Variants in CACFD1 observed in about 807,000 individuals in gnomAD.
CACFD1 encodes calcium channel flower homolog.
Under a neutral mutation model 21.3 loss-of-function variants are expected in CACFD1, and 26 were observed. The observed-to-expected ratio is 1.22, with a 90% CI of 0.89 to 1.69. CACFD1 has a LOEUF of 1.69. Among genes scored for constraint, CACFD1 ranks in the 40% most tolerant of loss-of-function variants. The pLI is 0.00. For missense variants in CACFD1, 265 were observed against 236.2 expected, an observed-to-expected ratio of 1.12 and a Z score of -0.80; for synonymous variants, 121 against 106.6, an observed-to-expected ratio of 1.13 and a Z score of -0.83.
In CACFD1 at chr9:133,460,169, G is replaced by C. The variant is rs1554797986; in HGVS notation, c.103G>C (p.Gly35Arg). ...WWYRWLCRLS[G>R]VLGAVSCAIS... ...GTACCGCTGGCTGTGTCGCCTGTCT[G>C]GGGTGCTGGGGGCAGTCTGTGAGTA... The change falls in exon 1 of 5, where the codon GGG (glycine) becomes CGG (arginine). Residue 35 changes from glycine (G) to arginine (R), a missense_variant. Gly to Arg is a moderately radical substitution (Grantham distance 125, BLOSUM62 -2). Transcript: ENST00000316948. 1.9e-6 allele frequency: 3 copies of C among 1,555,452 alleles called. No individual in the cohort carries two copies. The highest frequency in any genetic ancestry group is 1.7e-6 in the Non-Finnish European group (2 of 1,150,092).
chr9:133,468,078 C>A (rs1406614113), intron 4 of CACFD1, 50 bp downstream of exon 4: 1 of 1,474,050 alleles, frequency 6.8e-7, no homozygotes, highest in Non-Finnish European at 9.4e-7. Flanking sequence ...CCCTCCGCCC[C>A]CCGAAGTCCT....
chr9:133,460,099 C>G lies in CACFD1; in HGVS notation c.33C>G (p.Ser11=). Residue 11 remains serine, a synonymous_variant, in exon 1 of 5, where the codon TCC becomes TCG. Transcript: ENST00000316948. ...GCTCAGGTGGGGCGCCCGGGGCGTC[C>G]GCCAGCTCTGCGCCGCCCGCGCAGG... MSSSGGAPGA[S]ASSAPPAQEE... 3.8e-6 allele frequency: 6 copies of G among 1,563,302 alleles called. No individual in the cohort carries two copies. Among genetic ancestry groups the G allele is most frequent in the Non-Finnish European group, 4.3e-6 (5 of 1,153,654 alleles).
chr9:133,464,512 G>A (rs782583755), intron 2 of CACFD1, among the ~76,000 whole-genome samples: 2 of 152,088 alleles, frequency 1.3e-5, no homozygotes, highest in African/African-American at 2.4e-5. Flanking sequence ...GAGAGTGCCT[G>A]CCCCGGGCTT....
At chr9:133,466,834 T>C (rs1843456617) in intron 3 of CACFD1, among the ~76,000 whole-genome samples, 1 of 152,172 alleles carries the variant, frequency 6.6e-6, no homozygotes, top group Admixed American at 6.5e-5. Context: ...CATTGCATTT[T>C]CTGATATGAA....
intron 1 of CACFD1, chr9:133,462,279 G>T: frequency 7.7e-7 from 1 of 1,304,062 alleles, no homozygotes; most frequent in South Asian, 1.2e-5. Flanking sequence ...ACTCTGCTAG[G>T]ACAGGCAGGC....
chr9:133,468,694 C>G lies in CACFD1; in HGVS notation c.*41C>G. The G allele has an allele frequency of 6.5e-7, 1 of 1,533,498 alleles. No homozygotes were observed. The highest frequency in any genetic ancestry group is 1.4e-5 in the African/African-American group (1 of 73,546). 95.0% of individuals were successfully genotyped at this position (1,533,498 alleles called of 1,614,324 possible). The stretch of plus-strand genomic sequence containing the variant: ...TCCCTCCCTGTCCCCTCTTCTGGCT[C>G]TGTGTGGGTCCAAGTGAGGCCTGGA... On this transcript the variant is annotated 3_prime_UTR_variant, in exon 5 of 5. Transcript: ENST00000316948.
rs781807306 is a variant in CACFD1, at chr9:133,468,611, G to C, written c.477G>C (p.Ala159=). Reference sequence around the variant, plus strand: ...GGATCCAGCAGCAGAGGCAGCAGGCGGATGAGGAGAAGCTCGCGGAGACCC... The same window carrying C: ...GGATCCAGCAGCAGAGGCAGCAGGCCGATGAGGAGAAGCTCGCGGAGACCC... The part of the protein sequence containing the change: ...YARIQQQRQQ[A]DEEKLAETLE... The change falls in exon 5 of 5, where the codon GCG becomes GCC. Residue 159 remains alanine (A), a synonymous_variant. Coordinates refer to ENST00000316948, the MANE Select transcript of CACFD1 (RefSeq NM_017586.5). The C allele has an allele frequency of 6.3e-7, 1 of 1,592,098 alleles. No individual in the cohort carries two copies. The highest frequency in any genetic ancestry group is 8.5e-7 in the Non-Finnish European group (1 of 1,171,570).
In CACFD1 at chr9:133,469,054, C is replaced by T; in HGVS notation, c.*401C>T. 1 of 245,362 alleles carries T rather than the reference C, an allele frequency of 4.1e-6. No homozygotes were observed. The highest frequency in any genetic ancestry group is 7.8e-6 in the Non-Finnish European group (1 of 127,942). The allele number at this position is 245,362 out of a possible 1,614,324, so 15.2% of individuals were successfully genotyped here. On this transcript the variant is annotated 3_prime_UTR_variant, in exon 5 of 5. Transcript: ENST00000316948. ...ACCTGGGCACTGAGCAGAGGGACCT[C>T]CCCCAGCTCTCTTAGCAGGTGGAGC...
At chr9:133,463,583 G>C in intron 2 of CACFD1, 28 bp downstream of exon 2, 3 of 1,611,808 alleles carry the variant, frequency 1.9e-6, no homozygotes, top group Non-Finnish European at 2.5e-6. Flanking sequence ...GTCCCACCCC[G>C]GGGGTCTTGC....
In CACFD1 at chr9:133,463,498, G is replaced by A. The variant is rs1554798910; in HGVS notation, c.137G>A (p.Gly46Asp). 16 of 1,613,980 alleles carry A rather than the reference G, an allele frequency of 9.9e-6. No individual in the cohort carries two copies. The Admixed American group carries it at 2.7e-4, about 27-fold the overall frequency. ...TTGTTTCAAGCTTGCGCGATCTCTG[G>A]CCTCTTCAACTGCATCACCATCCAC... is the stretch of plus-strand genomic sequence containing the variant. ...VLGAVSCAIS[G>D]LFNCITIHPL... is the part of the protein sequence containing the mutation. Residue 46 changes from glycine (G) to aspartate (D), a missense_variant, in exon 2 of 5, where the codon GGC becomes GAC. Gly to Asp is a moderately conservative substitution (Grantham distance 94, BLOSUM62 -1). Coordinates refer to ENST00000316948, the MANE Select transcript of CACFD1 (RefSeq NM_017586.5).
chr9:133,468,146 C>T (rs893929398), intron 4 of CACFD1, 118 bp downstream of exon 4: 2 of 1,019,948 alleles, frequency 2.0e-6, no homozygotes, highest in Non-Finnish European at 2.9e-6. Flanking sequence ...AGGCAGAGGT[C>T]CCAGTAACTC....
chr9:133,460,482 G>GC (rs1554798206), intron 1 of CACFD1, among the ~76,000 whole-genome samples: 4 of 150,572 alleles, frequency 2.7e-5, no homozygotes, highest in South Asian at 2.1e-4. Context: ...GGCGGGGGCG[G>GC]GGGTGGGGCA....
Position 133,460,198 on chromosome 9 carries a change from A to T in CACFD1, c.121+11A>T. On this transcript the variant is annotated intron_variant, in intron 1 of 4. Transcript: ENST00000316948. ...TGCTGGGGGCAGTCTGTGAGTATCC[A>T]GTCGGGGAGAGGGGCCGGCCCCGCC... 6.6e-7 allele frequency: 1 copy of T among 1,525,054 alleles called. No individual in the cohort carries two copies. The highest frequency in any genetic ancestry group is 2.6e-5 in the East Asian group (1 of 37,758). The allele number at this position is 1,525,054 out of a possible 1,614,324, so 94.5% of individuals were successfully genotyped here.
At chr9:133,468,528 G>T (rs1554800083) in intron 4 of CACFD1, 35 bp from the exon 5 acceptor site, 1 of 1,555,768 alleles carries the variant, frequency 6.4e-7, no homozygotes, top group East Asian at 2.4e-5. Flanking sequence ...CATGGGGCTG[G>T]TGCTCCACGT....
At chr9:133,463,580 C>T in intron 2 of CACFD1, 25 bp downstream of exon 2, 1 of 1,612,546 alleles carries the variant, frequency 6.2e-7, no homozygotes, top group Non-Finnish European at 8.5e-7. Context: ...GCCGTCCCAC[C>T]CCGGGGGTCT....
In CACFD1 at chr9:133,463,507, A is replaced by G. The variant is rs374062910; in HGVS notation, c.146A>G (p.Asn49Ser). The stretch of plus-strand genomic sequence containing the variant: ...GCTTGCGCGATCTCTGGCCTCTTCA[A>G]CTGCATCACCATCCACCCTCTGAAC... ...AVSCAISGLFNCITIHPLNIA... is the reference protein window; with the variant it reads ...AVSCAISGLFSCITIHPLNIA... Residue 49 changes from asparagine to serine, a missense_variant, in exon 2 of 5, where the codon AAC becomes AGC. Asn to Ser is a conservative substitution (Grantham distance 46). Transcript: ENST00000316948. 62 of 1,614,016 alleles carry G rather than the reference A, an allele frequency of 3.8e-5. No homozygotes were observed. Among genetic ancestry groups the G allele is most frequent in the Non-Finnish European group, 4.7e-5 (56 of 1,180,028 alleles).
At position 133,460,189 on chromosome 9, in the gene CACFD1, T is replaced by A; in HGVS notation, c.121+2T>A. On this transcript the variant is annotated splice_donor_variant, in intron 1 of 4. Coordinates refer to ENST00000316948, the MANE Select transcript of CACFD1 (RefSeq NM_017586.5). LOFTEE classifies it high-confidence loss of function. Reference sequence around the variant, plus strand: ...TGTCTGGGGTGCTGGGGGCAGTCTGTGAGTATCCAGTCGGGGAGAGGGGCC... The same window carrying A: ...TGTCTGGGGTGCTGGGGGCAGTCTGAGAGTATCCAGTCGGGGAGAGGGGCC... 6.5e-7 allele frequency: 1 copy of A among 1,541,106 alleles called. No homozygotes were observed.
At chr9:133,466,486 T>C (rs1415002002) in intron 3 of CACFD1, among the ~76,000 whole-genome samples, 2 of 152,230 alleles carry the variant, frequency 1.3e-5, no homozygotes, top group African/African-American at 4.8e-5. Flanking sequence ...CCACAGACTT[T>C]ATAACATTCT....
At chr9:133,462,159 G>T (rs1192419063) in intron 1 of CACFD1, 2 of 1,304,058 alleles carry the variant, frequency 1.5e-6, no homozygotes, top group Non-Finnish European at 2.0e-6. Context: ...GGACAGCTGG[G>T]GTAGGGTTGG....
Sources: allele counts gnomAD v4.1 joint callset (sites outside exome capture counted in the v4.1 genomes callset), GRCh38; gene constraint gnomAD v4.1.1; transcripts MANE v1.5; gene names NCBI Gene and HGNC (gene_info 2026-07-23, HGNC 2026-07-21).